The following TRPC1 variants were observed in gnomAD, a reference collection of about 807,000 sequenced individuals.
TRPC1 encodes the protein short transient receptor potential channel 1.
TRPC1 carries 42 observed loss-of-function variants against 88.2 expected under a neutral mutation model. That is an observed-to-expected ratio of 0.48 (90% CI 0.37 to 0.62). The LOEUF is 0.62. TRPC1 is among the 20% of genes least tolerant of loss of function. The pLI is 0.00. For synonymous variants in TRPC1, 288 were observed against 331.8 expected (o/e 0.87, Z 1.43); for missense variants, 699 against 957.3 (o/e 0.73, Z 3.56).
chr3:142,784,241 C>T (rs1165450311), intron 6 of TRPC1, among the ~76,000 whole-genome samples: 4 of 138,814 alleles, frequency 2.9e-5, no homozygotes, highest in Non-Finnish European at 5.9e-5. Flanking sequence ...TGCATGATAA[C>T]TTTGAAATTT....
At chr3:142,734,476 AAAG>A (rs1263394956) in intron 1 of TRPC1, among the ~76,000 whole-genome samples, 1 of 152,186 alleles carries the variant, frequency 6.6e-6, no homozygotes, top group Non-Finnish European at 1.5e-5. Context: ...GAGAGGAAAA[AAAG>A]AAAAAACAGG....
intron 4 of TRPC1, among the ~76,000 whole-genome samples, chr3:142,761,634 T>A (rs1935187226): frequency 6.6e-6 from 1 of 152,028 alleles, no homozygotes. Flanking sequence ...TTTTGAAGAG[T>A]TTGAGTAAGG....
chr3:142,765,305 A>T (rs1036175094), intron 4 of TRPC1, among the ~76,000 whole-genome samples: 1 of 152,194 alleles, frequency 6.6e-6, no homozygotes, highest in Non-Finnish European at 1.5e-5. Context: ...CATTTTTCAC[A>T]GACTTAGAAA....
intron 4 of TRPC1, among the ~76,000 whole-genome samples, chr3:142,770,822 A>G (rs1367606765): frequency 6.6e-6 from 1 of 152,180 alleles, no homozygotes; most frequent in African/African-American, 2.4e-5. Flanking sequence ...GATTTATAAG[A>G]CTGTTTGCAT....
chr3:142,801,756 T>G (rs1029243870), intron 9 of TRPC1, among the ~76,000 whole-genome samples: 5 of 152,166 alleles, frequency 3.3e-5, no homozygotes, highest in African/African-American at 1.2e-4. Flanking sequence ...GTGAAATACT[T>G]TGCCTCATAA....
chr3:142,729,428 G>A (rs1033698184), intron 1 of TRPC1, among the ~76,000 whole-genome samples: 1 of 150,216 alleles, frequency 6.7e-6, no homozygotes, highest in African/African-American at 2.4e-5. Flanking sequence ...GAGAAGTAAG[G>A]AAACAAAAGT....
At chr3:142,759,931 T>A (rs1935121545) in intron 4 of TRPC1, among the ~76,000 whole-genome samples, 1 of 152,198 alleles carries the variant, frequency 6.6e-6, no homozygotes, top group South Asian at 2.1e-4. Flanking sequence ...CTCGGCTCAC[T>A]GCAAGCTCCG....
At position 142,777,657 on chromosome 3, in the gene TRPC1, T is replaced by A. The variant is rs1935827565; in HGVS notation, c.658T>A (p.Leu220Met). Residue 220 changes from leucine (L) to methionine (M), a missense_variant, in exon 5 of 13, where the codon TTG (leucine) becomes ATG (methionine). By Grantham distance (15) the Leu-to-Met change is conservative (BLOSUM62 2). Coordinates refer to ENST00000476941, the MANE Select transcript of TRPC1 (RefSeq NM_001251845.2). Reference protein sequence around the residue: ...SRFRLDIYRCLASPALIMLTE... With the variant: ...SRFRLDIYRCMASPALIMLTE... ...GTTTCGTCTTGATATATATCGATGT[T>A]TGGCCAGTCCAGCTCTAATAATGTT... 1 of 1,607,222 alleles carries A rather than the reference T, an allele frequency of 6.2e-7. No homozygotes were observed. Among genetic ancestry groups the A allele is most frequent in the South Asian group, 1.1e-5 (1 of 89,640 alleles).
chr3:142,778,560 T>C (rs1038658980), intron 5 of TRPC1, among the ~76,000 whole-genome samples: 6 of 152,214 alleles, frequency 3.9e-5, no homozygotes, highest in African/African-American at 1.2e-4. Context: ...AAAGTATCCC[T>C]GTTGCCCTCT....
At chr3:142,790,040 G>T (rs1194379779) in intron 7 of TRPC1, among the ~76,000 whole-genome samples, 1 of 152,206 alleles carries the variant, frequency 6.6e-6, no homozygotes, top group Non-Finnish European at 1.5e-5. Context: ...AGGAGAATTG[G>T]GAGTGGGGGA....
intron 7 of TRPC1, 104 bp from the exon 8 acceptor site, chr3:142,790,915 A>C: frequency 1.0e-6 from 1 of 971,808 alleles, no homozygotes; most frequent in Non-Finnish European, 1.3e-6. Context: ...TCTTTTGAAT[A>C]AGGCCCAAGG....
At chr3:142,800,303 A>T (rs1936578441) in intron 9 of TRPC1, among the ~76,000 whole-genome samples, 1 of 152,172 alleles carries the variant, frequency 6.6e-6, no homozygotes, top group African/African-American at 2.4e-5. Context: ...GGCCTTGAAA[A>T]GTACCACATG....
At chr3:142,800,733 A>G (rs1324075799) in intron 9 of TRPC1, among the ~76,000 whole-genome samples, 10 of 152,002 alleles carry the variant, frequency 6.6e-5, no homozygotes, top group Admixed American at 6.6e-4. Flanking sequence ...TTTGGACAAC[A>G]TAGTGAAACC....
At chr3:142,731,875 A>G (rs1933936070) in intron 1 of TRPC1, among the ~76,000 whole-genome samples, 2 of 152,152 alleles carry the variant, frequency 1.3e-5, no homozygotes, top group Non-Finnish European at 2.9e-5. Flanking sequence ...AACACATGAA[A>G]AGTCTATAAA....
At chr3:142,786,687 C>T (rs1936144957) in intron 7 of TRPC1, among the ~76,000 whole-genome samples, 1 of 152,030 alleles carries the variant, frequency 6.6e-6, no homozygotes, top group Non-Finnish European at 1.5e-5. Context: ...TTAAAAAATT[C>T]CTGGAAGAAT....
At chr3:142,739,900 C>T (rs561020834) in intron 2 of TRPC1, among the ~76,000 whole-genome samples, 27 of 152,258 alleles carry the variant, frequency 1.8e-4, no homozygotes, top group African/African-American at 4.6e-4. Context: ...TATATGGTTC[C>T]GTGGTCTGTT....
chr3:142,737,336 ATGTATGTATG>A (rs1469789929), intron 2 of TRPC1, among the ~76,000 whole-genome samples: 3 of 125,230 alleles, frequency 2.4e-5, no homozygotes, highest in Non-Finnish European at 5.4e-5. Context: ...ATATATATAT[ATGTATGTATG>A]TATGTATGTA....
intron 5 of TRPC1, among the ~76,000 whole-genome samples, chr3:142,778,184 T>C (rs1007211039): frequency 1.3e-5 from 2 of 152,218 alleles, no homozygotes; most frequent in Non-Finnish European, 2.9e-5. Context: ...TGGAATGCTT[T>C]CTGTATGTCA....
At chr3:142,789,737 A>T (rs1472140305) in intron 7 of TRPC1, among the ~76,000 whole-genome samples, 3 of 152,210 alleles carry the variant, frequency 2.0e-5, no homozygotes. Context: ...ACCCATAAAA[A>T]TATATAGTTA....
Sources: allele counts gnomAD v4.1 joint callset (sites outside exome capture counted in the v4.1 genomes callset), GRCh38; gene constraint gnomAD v4.1.1; transcripts MANE v1.5; gene names NCBI Gene and HGNC (gene_info 2026-07-23, HGNC 2026-07-21).